Variants in NBDY observed in about 807,000 individuals in gnomAD.
NBDY encodes the protein P-body dissociating protein.
At chrX:56,786,802 G>A (rs1026579424) in intron 2 of NBDY, among the ~76,000 whole-genome samples, 1 of 110,901 alleles carries the variant, frequency 9.0e-6, no homozygotes, top group Non-Finnish European at 1.9e-5. Flanking sequence ...CTTTTGTGAT[G>A]TGTGATGTTC....
chrX:56,797,015 C>A (rs2146735743), intron 2 of NBDY, among the ~76,000 whole-genome samples: 1 of 111,253 alleles, frequency 9.0e-6, no homozygotes, highest in Admixed American at 9.5e-5. Context: ...GTTTCTTCTT[C>A]CTTTTCCTAC....
chrX:56,807,744 A>G (rs773168695), intron 2 of NBDY, among the ~76,000 whole-genome samples: 1 of 112,125 alleles, frequency 8.9e-6, no homozygotes, highest in African/African-American at 3.2e-5. Flanking sequence ...CTAAATATAC[A>G]ATCATGTTAT....
intron 2 of NBDY, among the ~76,000 whole-genome samples, chrX:56,757,657 G>T (rs2069618501): frequency 9.0e-6 from 1 of 110,961 alleles, no homozygotes; most frequent in South Asian, 3.9e-4. Context: ...TATTCTCTCG[G>T]AAAGGGAAAA....
chrX:56,746,146 TTGTC>T (rs2069556736), intron 2 of NBDY, among the ~76,000 whole-genome samples: 1 of 111,925 alleles, frequency 8.9e-6, no homozygotes, highest in South Asian at 3.7e-4. Flanking sequence ...GTCCGGTTGG[TTGTC>T]TGTCTGTGTA....
intron 2 of NBDY, among the ~76,000 whole-genome samples, chrX:56,813,702 C>T (rs1487360758): frequency 9.0e-6 from 1 of 111,724 alleles, no homozygotes; most frequent in Non-Finnish European, 1.9e-5. Context: ...TTTTTTGTCT[C>T]CAGGCCTGGG....
At chrX:56,798,455 C>A (rs2069804851) in intron 2 of NBDY, among the ~76,000 whole-genome samples, 1 of 111,469 alleles carries the variant, frequency 9.0e-6, no homozygotes, top group Non-Finnish European at 1.9e-5. Context: ...GCTGAGTGTG[C>A]TTTCTAAGGG....
At chrX:56,797,196 C>T (rs1321540832) in intron 2 of NBDY, among the ~76,000 whole-genome samples, 1 of 104,246 alleles carries the variant, frequency 9.6e-6, no homozygotes, top group Non-Finnish European at 2.0e-5. Context: ...TTCTCTCCTT[C>T]TTTCCTTTTC....
intron 2 of NBDY, among the ~76,000 whole-genome samples, chrX:56,753,318 G>A (rs1445603476): frequency 8.9e-6 from 1 of 112,349 alleles, no homozygotes; most frequent in East Asian, 2.8e-4. Context: ...AAGATATAGG[G>A]CTTGAATTAA....
At chrX:56,731,934 C>T in intron 1 of NBDY, 129 bp from the exon 2 acceptor site, 1 of 267,581 alleles carries the variant, frequency 3.7e-6, no homozygotes, top group Non-Finnish European at 6.6e-6. Context: ...ACTATGTATA[C>T]AACTGTTTTA....
intron 2 of NBDY, among the ~76,000 whole-genome samples, chrX:56,764,180 T>C (rs1041323673): frequency 8.9e-6 from 1 of 112,433 alleles, no homozygotes; most frequent in African/African-American, 3.2e-5. Flanking sequence ...CAGGTACTGC[T>C]GGTCCTGGGT....
In NBDY at chrX:56,757,526, A is replaced by C. The variant is rs1039215802; in HGVS notation, c.*166+25327A>C. Among the ~76,000 whole-genome samples, 6 of 111,864 alleles carry C rather than the reference A, an allele frequency of 5.4e-5. No homozygotes were observed. In the South Asian group the frequency reaches 1.5e-3, roughly 28 times the overall value. Reference sequence around the variant, plus strand: ...CGAAAAACAAAAGAAAACCTAAAAAACAAAATGAGGAACCAACTAAGGTAC... The same window carrying C: ...CGAAAAACAAAAGAAAACCTAAAAACCAAAATGAGGAACCAACTAAGGTAC... On this transcript the variant is annotated intron_variant, in intron 2 of 2. Transcript: ENST00000374922.
chrX:56,729,972 C>G (rs1358008930), intron 1 of NBDY, among the ~76,000 whole-genome samples: 2 of 107,318 alleles, frequency 1.9e-5, no homozygotes, highest in Non-Finnish European at 3.8e-5. Context: ...TCTACTTTTG[C>G]GTGCATTGGA....
chrX:56,732,274 C>A, intron 2 of NBDY, 75 bp downstream of exon 2: 2 of 287,474 alleles, frequency 7.0e-6, no homozygotes, highest in Non-Finnish European at 1.2e-5. Context: ...TAAAAAGTAG[C>A]CAAACAAAAC....
chrX:56,800,125 A>G (rs1412898134), intron 2 of NBDY, among the ~76,000 whole-genome samples: 2 of 111,846 alleles, frequency 1.8e-5, no homozygotes, highest in Non-Finnish European at 3.8e-5. Context: ...AAAAGAATGC[A>G]GGAAGATCTG....
At chrX:56,796,174 C>A (rs1035468446) in intron 2 of NBDY, among the ~76,000 whole-genome samples, 1 of 111,588 alleles carries the variant, frequency 9.0e-6, no homozygotes, top group Non-Finnish European at 1.9e-5. Flanking sequence ...GTGGGGGCAG[C>A]GGGGAGCAGG....
intron 2 of NBDY, among the ~76,000 whole-genome samples, chrX:56,816,968 A>G (rs993162346): frequency 8.9e-6 from 1 of 111,774 alleles, no homozygotes; most frequent in Admixed American, 9.6e-5. Flanking sequence ...TGAGGGAACA[A>G]TGAGGCTGAT....
intron 2 of NBDY, among the ~76,000 whole-genome samples, chrX:56,746,681 C>T (rs895014694): frequency 1.8e-5 from 2 of 109,690 alleles, no homozygotes; most frequent in Non-Finnish European, 3.8e-5. Context: ...GATCTCAGTT[C>T]CTTGCCACTG....
At chrX:56,789,400 G>A (rs2069748554) in intron 2 of NBDY, among the ~76,000 whole-genome samples, 1 of 112,136 alleles carries the variant, frequency 8.9e-6, no homozygotes. Flanking sequence ...AGAGGGATGT[G>A]TGAGTGTGTG....
chrX:56,757,667 AAGAAG>A (rs774712954), intron 2 of NBDY, among the ~76,000 whole-genome samples: 2 of 111,123 alleles, frequency 1.8e-5, no homozygotes, highest in Non-Finnish European at 3.8e-5. Flanking sequence ...GAAAGGGAAA[AAGAAG>A]AGAAGAGAAG....
Sources: allele counts gnomAD v4.1 joint callset (sites outside exome capture counted in the v4.1 genomes callset), GRCh38; gene constraint gnomAD v4.1.1; transcripts MANE v1.5; gene names NCBI Gene and HGNC (gene_info 2026-07-23, HGNC 2026-07-21).